The following CDKL5 variants were observed in gnomAD, a reference collection of about 807,000 sequenced individuals.
CDKL5 encodes cyclin dependent kinase like 5.
A neutral mutation model predicts 61.7 loss-of-function variants in CDKL5; 8 were observed. The observed-to-expected ratio is 0.13, with a 90% CI of 0.08 to 0.23. The LOEUF (loss-of-function observed/expected upper bound fraction) is 0.23. Among genes scored for constraint, CDKL5 ranks in the 10% least tolerant of loss-of-function variants. The pLI, the probability that CDKL5 is intolerant of heterozygous loss-of-function variation, is 1.00. For synonymous variants in CDKL5, 275 were observed against 272.3 expected, an observed-to-expected ratio of 1.01 and a Z score of -0.10; for missense variants, 440 against 734.5, an observed-to-expected ratio of 0.60 and a Z score of 4.63.
intron 14 of CDKL5, 62 bp downstream of exon 14, chrX:18,609,632 A>G (rs1926481242): frequency 8.4e-7 from 1 of 1,195,573 alleles, no homozygotes; most frequent in South Asian, 1.8e-5. Context: ...TTATGTGCAC[A>G]CTGCTTTCAC....
At chrX:18,509,197 G>GCGCACACACACACACACA (rs1555940193) in intron 2 of CDKL5, among the ~76,000 whole-genome samples, 1 of 64,314 alleles carries the variant, frequency 1.6e-5, no homozygotes, top group African/African-American at 5.9e-5. Context: ...CTCAAAACAC[G>GCGCACACACACACACACA]CACACACACA....
chrX:18,647,929 T>C (rs1253413137), intron 20 of CDKL5, among the ~76,000 whole-genome samples: 1 of 111,613 alleles, frequency 9.0e-6, no homozygotes, highest in Non-Finnish European at 1.9e-5. Flanking sequence ...TGGGGGACTG[T>C]TGAGTGAGAA....
rs958194182 is a variant in CDKL5 at position 18,628,895 on chromosome X, A to G, written c.*138A>G. ...TTTATGAAGGTGTGTGCAATATTGC[A>G]TGTGTTGGGGCCGTTGAGCTCCTCG... On this transcript the variant is annotated 3_prime_UTR_variant, in exon 18 of 18. Transcript: ENST00000623535. 9.3e-7 allele frequency: 1 copy of G among 1,072,305 alleles called. No individual in the cohort carries two copies. The allele number at this position is 1,072,305 out of a possible 1,213,427, so 88.4% of individuals were successfully genotyped here. A position where few individuals can be genotyped will look rare whatever the true frequency, so the allele number is the denominator to read the frequency against.
chrX:18,475,192 C>G (rs1921260990), intron 1 of CDKL5, among the ~76,000 whole-genome samples: 1 of 111,544 alleles, frequency 9.0e-6, no homozygotes, highest in African/African-American at 3.3e-5. Context: ...CTCCTGACCT[C>G]ACGTGATCCG....
At chrX:18,532,928 T>A (rs1255778901) in intron 3 of CDKL5, among the ~76,000 whole-genome samples, 2 of 111,814 alleles carry the variant, frequency 1.8e-5, no homozygotes, top group African/African-American at 6.5e-5. Context: ...AGAAACAAAT[T>A]AGCAGTATAT....
chrX:18,504,252 GGTTTTTTTTGTTTTTGTTT>G (rs1467507165), intron 1 of CDKL5, among the ~76,000 whole-genome samples: 3 of 110,380 alleles, frequency 2.7e-5, no homozygotes, highest in East Asian at 5.7e-4. Flanking sequence ...CACCAGGCTA[GGTTTTTTTTGTTTTTGTTT>G]GTTTTTTTTG....
chrX:18,532,948 G>A (rs1292136936), intron 3 of CDKL5, among the ~76,000 whole-genome samples: 1 of 111,233 alleles, frequency 9.0e-6, no homozygotes, highest in African/African-American at 3.3e-5. Flanking sequence ...TTTAAAGATC[G>A]CTTATTAGTT....
intron 1 of CDKL5, among the ~76,000 whole-genome samples, chrX:18,489,124 C>G (rs780785047): frequency 1.8e-5 from 2 of 110,494 alleles, no homozygotes; most frequent in South Asian, 7.7e-4. Flanking sequence ...CTTTTTAAGT[C>G]TGTTTTTTTT....
rs1927497066 is a variant in CDKL5, at chrX:18,639,619, G to GT, written c.*10863dup. Among the ~76,000 whole-genome samples the GT allele has an allele frequency of 8.9e-6, 1 of 112,286 alleles. No individual in the cohort carries two copies. The highest frequency in any genetic ancestry group is 3.2e-5 in the African/African-American group (1 of 30,841). On this transcript the variant is annotated 3_prime_UTR_variant, in exon 18 of 18. Transcript: ENST00000623535. Reference sequence around the variant, plus strand: ...CTCCAAAGATTAAACAAGAGTGACTGTGTGTCCCAGCAGTTTTACTCCTAA... The same window carrying GT: ...CTCCAAAGATTAAACAAGAGTGACTGTTGTGTCCCAGCAGTTTTACTCCTAA...
At chrX:18,437,559 A>G (rs1231776911) in intron 1 of CDKL5, among the ~76,000 whole-genome samples, 1 of 112,138 alleles carries the variant, frequency 8.9e-6, no homozygotes, top group African/African-American at 3.2e-5. Context: ...CATTTATGCT[A>G]TTTCATGTTT....
chrX:18,632,210 G>A lies in CDKL5; in HGVS notation c.*3453G>A. The A allele has an allele frequency of 1.3e-6, 1 of 753,090 alleles. No homozygotes were observed. Among genetic ancestry groups the A allele is most frequent in the Non-Finnish European group, 1.6e-6 (1 of 638,134 alleles). 62.1% of individuals were successfully genotyped at this position (753,090 alleles called of 1,213,427 possible). A position where few individuals can be genotyped will look rare whatever the true frequency, so the allele number is the denominator to read the frequency against. On this transcript the variant is annotated 3_prime_UTR_variant, in exon 18 of 18. Coordinates refer to ENST00000623535, the MANE Select transcript of CDKL5 (RefSeq NM_001323289.2). ...TTTCTTCAACATCACATTCTCTTAAGAGTCTTCAACCACTATGCCTGAATC... is the reference window on the plus strand; with the variant it reads ...TTTCTTCAACATCACATTCTCTTAAAAGTCTTCAACCACTATGCCTGAATC...
chrX:18,586,555 T>A (rs751970782), intron 8 of CDKL5, among the ~76,000 whole-genome samples: 54 of 112,311 alleles, frequency 4.8e-4, no homozygotes, highest in Non-Finnish European at 8.1e-4. Flanking sequence ...GGGGACAATG[T>A]AACTAAATTA....
At chrX:18,478,202 A>G (rs1921390500) in intron 1 of CDKL5, among the ~76,000 whole-genome samples, 1 of 107,980 alleles carries the variant, frequency 9.3e-6, no homozygotes, top group Admixed American at 9.9e-5. Flanking sequence ...TTGGTTGACA[A>G]GTTTTTTTTT....
chrX:18,430,950 C>T (rs1931470344), intron 1 of CDKL5, among the ~76,000 whole-genome samples: 1 of 109,465 alleles, frequency 9.1e-6, no homozygotes, highest in African/African-American at 3.3e-5. Flanking sequence ...CAACCTCCGC[C>T]CCCCAGGTTC....
chrX:18,629,252 T>C lies in CDKL5; in HGVS notation c.*495T>C, dbSNP rs1180458384. 3 of 711,428 alleles carry C rather than the reference T, an allele frequency of 4.2e-6. No homozygotes were observed. Among genetic ancestry groups the C allele is most frequent in the Non-Finnish European group, 5.0e-6 (3 of 601,469 alleles). The allele number at this position is 711,428 out of a possible 1,213,427, so 58.6% of individuals were successfully genotyped here. A position where few individuals can be genotyped will look rare whatever the true frequency, so the allele number is the denominator to read the frequency against. On this transcript the variant is annotated 3_prime_UTR_variant, in exon 18 of 18. Transcript: ENST00000623535. ...GATGAACTGTATGTCTTAAATTGTT[T>C]TCTAAACTTCCATATTTGATAGGAT... is the stretch of plus-strand genomic sequence containing the variant.
At chrX:18,609,710 G>A in intron 14 of CDKL5, 140 bp downstream of exon 14, 1 of 1,049,032 alleles carries the variant, frequency 9.5e-7, no homozygotes, top group South Asian at 2.3e-5. Flanking sequence ...CTCTGCTCCT[G>A]CTAAGTCAGG....
intron 2 of CDKL5, among the ~76,000 whole-genome samples, chrX:18,507,552 TTTCATTCATTCATTCATTCA>T (rs201508159): frequency 9.7e-6 from 1 of 102,669 alleles, no homozygotes; most frequent in Admixed American, 1.1e-4. Flanking sequence ...ATAACTTAAA[TTTCATTCATTCATTCATTCA>T]TTCATTCATT....
At chrX:18,649,275 G>A (rs958539505) in intron 20 of CDKL5, among the ~76,000 whole-genome samples, 1 of 111,001 alleles carries the variant, frequency 9.0e-6, no homozygotes, top group African/African-American at 3.3e-5. Flanking sequence ...TCGCTGTGTC[G>A]CACAGGCTGG....
chrX:18,630,538 A>T lies in CDKL5; in HGVS notation c.*1781A>T. 1.3e-6 allele frequency: 1 copy of T among 752,832 alleles called. No individual in the cohort carries two copies. Among genetic ancestry groups the T allele is most frequent in the Non-Finnish European group, 1.6e-6 (1 of 638,348 alleles). The allele number at this position is 752,832 out of a possible 1,213,427, so 62.0% of individuals were successfully genotyped here. A position where few individuals can be genotyped will look rare whatever the true frequency, so the allele number is the denominator to read the frequency against. On this transcript the variant is annotated 3_prime_UTR_variant, in exon 18 of 18. Coordinates refer to ENST00000623535, the MANE Select transcript of CDKL5 (RefSeq NM_001323289.2). The stretch of plus-strand genomic sequence containing the variant: ...TTAACCCTCCCCCGAGATTTTGAGA[A>T]TCATAGCTCTGATGATTATGAAGAT...
Sources: allele counts gnomAD v4.1 joint callset (sites outside exome capture counted in the v4.1 genomes callset), GRCh38; gene constraint gnomAD v4.1.1; transcripts MANE v1.5; gene names NCBI Gene and HGNC (gene_info 2026-07-23, HGNC 2026-07-21).